The following RORA variants were observed in gnomAD, a reference collection of about 807,000 sequenced individuals.
RORA encodes the protein nuclear receptor ROR-alpha.
Under a neutral mutation model 69.5 loss-of-function variants are expected in RORA, and 7 were observed. The ratio of observed to expected loss-of-function variants is 0.10; its 90% CI spans 0.06 to 0.19. RORA has a LOEUF of 0.19. Ranked by LOEUF, RORA falls within the 10% of genes least tolerant of loss-of-function variation. The probability of loss-of-function intolerance (pLI) is 1.00; values close to 1 mark genes in which losing one functional copy is unlikely to be tolerated. For synonymous variants in RORA, 261 were observed against 240.8 expected, an observed-to-expected ratio of 1.08 and a Z score of -0.78; for missense variants, 457 against 663.0, an observed-to-expected ratio of 0.69 and a Z score of 3.41.
intron 2 of RORA, among the ~76,000 whole-genome samples, chr15:60,655,442 A>G (rs2070206574): frequency 6.6e-6 from 1 of 152,176 alleles, no homozygotes; most frequent in Non-Finnish European, 1.5e-5. Flanking sequence ...TTGCTTTAAG[A>G]ATACCTGTTT....
At chr15:60,731,906 G>A (rs1262769297) in intron 1 of RORA, among the ~76,000 whole-genome samples, 2 of 152,176 alleles carry the variant, frequency 1.3e-5, no homozygotes, top group African/African-American at 2.4e-5. Flanking sequence ...TATCTGCAGA[G>A]GAGGACACGT....
chr15:61,049,285 G>A (rs922628366), intron 1 of RORA, among the ~76,000 whole-genome samples: 1 of 152,196 alleles, frequency 6.6e-6, no homozygotes, highest in African/African-American at 2.4e-5. Context: ...TTGGAGCTCA[G>A]CACAGAGATG....
At chr15:60,720,952 T>C (rs2071285667) in intron 1 of RORA, among the ~76,000 whole-genome samples, 1 of 152,108 alleles carries the variant, frequency 6.6e-6, no homozygotes, top group Admixed American at 6.6e-5. Flanking sequence ...CCTGGAGAAC[T>C]TTGTGGTACT....
intron 1 of RORA, among the ~76,000 whole-genome samples, chr15:61,080,982 T>C (rs1015634806): frequency 2.0e-5 from 3 of 152,216 alleles, no homozygotes; most frequent in African/African-American, 7.2e-5. Flanking sequence ...GTCTGGCCGG[T>C]GCCTCTCCCT....
At chr15:60,832,612 T>C (rs998363268) in intron 1 of RORA, among the ~76,000 whole-genome samples, 2 of 152,102 alleles carry the variant, frequency 1.3e-5, no homozygotes, top group Non-Finnish European at 2.9e-5. Flanking sequence ...CTCTTAGACA[T>C]CTATACCCAA....
intron 2 of RORA, among the ~76,000 whole-genome samples, chr15:60,633,632 G>T (rs1239745835): frequency 2.0e-5 from 3 of 152,192 alleles, no homozygotes; most frequent in African/African-American, 7.2e-5. Context: ...GAAGAGTTGG[G>T]TATTTGCCAA....
chr15:60,865,651 C>T (rs1447081234), intron 1 of RORA, among the ~76,000 whole-genome samples: 1 of 152,190 alleles, frequency 6.6e-6, no homozygotes, highest in African/African-American at 2.4e-5. Context: ...TTCAGCCTGA[C>T]TCATCTTTTG....
At chr15:60,894,158 T>C (rs1891162710) in intron 1 of RORA, among the ~76,000 whole-genome samples, 1 of 152,182 alleles carries the variant, frequency 6.6e-6, no homozygotes, top group Admixed American at 6.5e-5. Flanking sequence ...GTTCTTCCTG[T>C]GAAGAGCCCT....
chr15:60,777,924 C>G (rs1323908481), intron 1 of RORA, among the ~76,000 whole-genome samples: 1 of 152,212 alleles, frequency 6.6e-6, no homozygotes, highest in Non-Finnish European at 1.5e-5. Context: ...AAAAGCACAT[C>G]TGGAGGATCT....
intron 1 of RORA, among the ~76,000 whole-genome samples, chr15:61,133,618 G>C (rs986929947): frequency 6.6e-6 from 1 of 152,192 alleles, no homozygotes; most frequent in Non-Finnish European, 1.5e-5. Flanking sequence ...GGCCCAGACA[G>C]ACAAAAGTTT....
chr15:60,660,447 T>C (rs2070287038), intron 2 of RORA, among the ~76,000 whole-genome samples: 1 of 152,230 alleles, frequency 6.6e-6, no homozygotes, highest in Non-Finnish European at 1.5e-5. Context: ...GCTTTTATTT[T>C]GCCCATATAA....
At chr15:60,836,889 C>T (rs1017257595) in intron 1 of RORA, among the ~76,000 whole-genome samples, 3 of 152,212 alleles carry the variant, frequency 2.0e-5, no homozygotes, top group East Asian at 1.9e-4. Flanking sequence ...TTTTGCTTTA[C>T]TCTTAGGCAC....
At chr15:60,966,158 T>C (rs926659020) in intron 1 of RORA, among the ~76,000 whole-genome samples, 1 of 152,208 alleles carries the variant, frequency 6.6e-6, no homozygotes, top group Non-Finnish European at 1.5e-5. Flanking sequence ...TATCACCTTC[T>C]CTCTGTATCC....
chr15:60,726,211 C>T (rs1373979697), intron 1 of RORA, among the ~76,000 whole-genome samples: 1 of 152,154 alleles, frequency 6.6e-6, no homozygotes, highest in Admixed American at 6.5e-5. Flanking sequence ...GAGTCACCTT[C>T]ACTTTTCACT....
intron 1 of RORA, among the ~76,000 whole-genome samples, chr15:60,775,887 C>A (rs961883839): frequency 3.3e-5 from 5 of 152,178 alleles, no homozygotes; most frequent in Admixed American, 2.0e-4. Flanking sequence ...TTATGGAATA[C>A]AATGCGGCAG....
intron 1 of RORA, among the ~76,000 whole-genome samples, chr15:61,100,381 A>C (rs2078861906): frequency 6.6e-6 from 1 of 152,086 alleles, no homozygotes; most frequent in Admixed American, 6.5e-5. Context: ...TGGCCTCCCA[A>C]AGTACGAGGA....
At chr15:60,931,227 C>A (rs545416723) in intron 1 of RORA, among the ~76,000 whole-genome samples, 1 of 152,170 alleles carries the variant, frequency 6.6e-6, no homozygotes, top group African/African-American at 2.4e-5. Flanking sequence ...GTAGGAGGCA[C>A]GGAGGCACAT....
At chr15:60,710,437 G>A (rs576653990) in intron 1 of RORA, among the ~76,000 whole-genome samples, 14 of 152,138 alleles carry the variant, frequency 9.2e-5, no homozygotes, top group African/African-American at 2.4e-4. Flanking sequence ...GCAGTGAGCC[G>A]AGATGGCGCC....
Position 60,693,094 on chromosome 15 carries a change from A to C in RORA, c.167-14408T>G, listed in dbSNP as rs1596131751. ...GAATCCAGCAGCACATCAAAAAACA[A>C]ATCCACCATGATCAAATTGGCTTCA... On this transcript the variant is annotated intron_variant, in intron 1 of 10. Transcript: ENST00000335670. Among the ~76,000 whole-genome samples, 4 of 152,152 alleles carry C rather than the reference A, an allele frequency of 2.6e-5. No individual in the cohort carries two copies. In the South Asian group the frequency reaches 6.2e-4, roughly 24 times the overall value.
Sources: gnomAD v4.1 joint callset for allele counts (sites outside exome capture counted in the v4.1 genomes callset) on GRCh38, gnomAD v4.1.1 for gene constraint, MANE v1.5 for transcripts, NCBI Gene and HGNC (gene_info 2026-07-23, HGNC 2026-07-21) for gene names.